Variants in AKAP6 observed in about 807,000 individuals in gnomAD.
AKAP6 encodes the protein A-kinase anchoring protein 6.
A neutral mutation model predicts 188.5 loss-of-function variants in AKAP6; 58 were observed. The observed-to-expected ratio is 0.31, with a 90% CI of 0.25 to 0.38. The LOEUF (loss-of-function observed/expected upper bound fraction) is 0.38. Ranked by LOEUF, AKAP6 falls within the 10% of genes least tolerant of loss-of-function variation. AKAP6 has a pLI of 1.00. For missense variants in AKAP6, 2,710 were observed against 2,740.0 expected (o/e 0.99, Z 0.24); for synonymous variants, 989 against 998.6 (o/e 0.99, Z 0.18).
chr14:32,580,543 A>T (rs1050328406), intron 5 of AKAP6, among the ~76,000 whole-genome samples: 6 of 151,408 alleles, frequency 4.0e-5, no homozygotes, highest in Non-Finnish European at 4.4e-5. Context: ...CTTTAGTCAC[A>T]CTCTTCATTT....
chr14:32,360,882 C>T (rs1594539798), intron 1 of AKAP6, among the ~76,000 whole-genome samples: 1 of 151,400 alleles, frequency 6.6e-6, no homozygotes, highest in East Asian at 2.0e-4. Context: ...TAGCTGGGAC[C>T]ATAAGCACGT....
intron 2 of AKAP6, among the ~76,000 whole-genome samples, chr14:32,477,268 A>G (rs1184121610): frequency 1.3e-5 from 2 of 152,126 alleles, no homozygotes; most frequent in Non-Finnish European, 2.9e-5. Context: ...TTCCTTGGCT[A>G]TTGTTTTAAG....
chr14:32,528,009 C>T (rs1481006409), intron 2 of AKAP6, among the ~76,000 whole-genome samples: 1 of 152,104 alleles, frequency 6.6e-6, no homozygotes, highest in African/African-American at 2.4e-5. Context: ...TATCTATTAA[C>T]AAAAAGTCAT....
chr14:32,795,608 T>G (rs1468761779), intron 12 of AKAP6, among the ~76,000 whole-genome samples: 2 of 152,204 alleles, frequency 1.3e-5, no homozygotes, highest in South Asian at 2.1e-4. Context: ...TGTTAAAAAC[T>G]GTCAATAAAC....
chr14:32,736,038 G>T (rs1256362446), intron 11 of AKAP6, among the ~76,000 whole-genome samples, 156 bp downstream of exon 11: 1 of 152,028 alleles, frequency 6.6e-6, no homozygotes, highest in Non-Finnish European at 1.5e-5. Flanking sequence ...TTTCTTATAT[G>T]TCTCTATGTG....
intron 12 of AKAP6, among the ~76,000 whole-genome samples, chr14:32,818,777 C>T (rs1308125779): frequency 6.6e-6 from 1 of 152,144 alleles, no homozygotes; most frequent in Non-Finnish European, 1.5e-5. Flanking sequence ...CCCAGCCCAT[C>T]CAGATGGCAC....
In AKAP6 at chr14:32,545,810, A is replaced by T. The variant is rs916520227; in HGVS notation, c.1157A>T (p.Gln386Leu). The change falls in exon 4 of 14, where the codon CAG becomes CTG. Residue 386 changes from glutamine to leucine, a missense_variant. Physicochemically the swap from Gln to Leu is moderately radical, Grantham distance 113. This residue lies in a region of AKAP6 where 2,473 missense variants were observed against 2,426.1 expected (regional missense o/e 1.02). Transcript: ENST00000280979. ...CFNYNEDSPT[Q>L]PTLPKRGLFL... ...AATTATAACGAGGACTCTCCCACGCAGCCTACATTGCCAAAAAGAGGACTT... is the reference window on the plus strand; with the variant it reads ...AATTATAACGAGGACTCTCCCACGCTGCCTACATTGCCAAAAAGAGGACTT... 3.1e-6 allele frequency: 5 copies of T among 1,614,224 alleles called. No individual in the cohort carries two copies. The South Asian group carries it at 3.3e-5, about 11-fold the overall frequency.
At chr14:32,638,461 GA>G (rs1454247001) in intron 7 of AKAP6, among the ~76,000 whole-genome samples, 2 of 152,050 alleles carry the variant, frequency 1.3e-5, no homozygotes, top group African/African-American at 4.8e-5. Flanking sequence ...ATTTCAGCCA[GA>G]TATTTGAGGG....
chr14:32,707,777 A>C (rs1890873053), intron 9 of AKAP6, among the ~76,000 whole-genome samples: 1 of 152,112 alleles, frequency 6.6e-6, no homozygotes, highest in African/African-American at 2.4e-5. Context: ...ATGCTGTGAT[A>C]ATTGAATGTA....
chr14:32,798,081 A>G (rs1254120174), intron 12 of AKAP6, among the ~76,000 whole-genome samples: 1 of 152,202 alleles, frequency 6.6e-6, no homozygotes, highest in East Asian at 1.9e-4. Context: ...AAAATGAGCA[A>G]AGGACATGAA....
At chr14:32,352,100 TGTTTGTGTG>T (rs879462010) in intron 1 of AKAP6, among the ~76,000 whole-genome samples, 2,639 of 116,644 alleles carry the variant, frequency 0.023, 64 homozygotes, top group African/African-American at 0.067. Flanking sequence ...TGTGTGTGTG[TGTTTGTGTG>T]TGTGTGTGTG....
intron 2 of AKAP6, among the ~76,000 whole-genome samples, chr14:32,444,101 G>C (rs998917301): frequency 5.9e-5 from 9 of 152,150 alleles, no homozygotes; most frequent in African/African-American, 2.2e-4. Context: ...GATTAAGGTA[G>C]TCATAAAGAC....
intron 1 of AKAP6, among the ~76,000 whole-genome samples, chr14:32,415,281 TACTC>T (rs1381390539): frequency 1.3e-5 from 2 of 152,210 alleles, no homozygotes; most frequent in African/African-American, 4.8e-5. Flanking sequence ...ACTGAGCAGA[TACTC>T]AATCAGTATT....
intron 5 of AKAP6, among the ~76,000 whole-genome samples, chr14:32,582,250 A>G (rs1351808310): frequency 1.3e-5 from 2 of 152,042 alleles, no homozygotes; most frequent in African/African-American, 2.4e-5. Context: ...TCCTTCACTT[A>G]TGAAGCTTAG....
intron 12 of AKAP6, among the ~76,000 whole-genome samples, chr14:32,811,805 G>A (rs1226438953): frequency 6.6e-6 from 1 of 152,074 alleles, no homozygotes; most frequent in Non-Finnish European, 1.5e-5. Context: ...CCACATGTTG[G>A]CAAAGCTCTC....
At chr14:32,378,836 A>G (rs1363200454) in intron 1 of AKAP6, among the ~76,000 whole-genome samples, 1 of 152,160 alleles carries the variant, frequency 6.6e-6, no homozygotes, top group Admixed American at 6.5e-5. Context: ...GGATAACTGA[A>G]ACTAATACTT....
At chr14:32,543,221 A>G (rs1883042890) in intron 3 of AKAP6, among the ~76,000 whole-genome samples, 1 of 152,200 alleles carries the variant, frequency 6.6e-6, no homozygotes, top group Non-Finnish European at 1.5e-5. Flanking sequence ...CCCAACCTCT[A>G]GTAACTACTA....
intron 1 of AKAP6, among the ~76,000 whole-genome samples, chr14:32,402,711 A>G (rs980636664): frequency 6.6e-6 from 1 of 151,228 alleles, no homozygotes; most frequent in African/African-American, 2.4e-5. Flanking sequence ...TGCTCAATAA[A>G]TGTTGGTTGG....
intron 1 of AKAP6, among the ~76,000 whole-genome samples, chr14:32,406,283 C>T (rs997816879): frequency 2.6e-5 from 4 of 152,184 alleles, no homozygotes; most frequent in South Asian, 2.1e-4. Context: ...GATCTTGGCT[C>T]ACTGTAACCT....
Sources: allele counts gnomAD v4.1 joint callset (sites outside exome capture counted in the v4.1 genomes callset), GRCh38; gene constraint gnomAD v4.1.1; regional missense constraint gnomAD v4.1.1; transcripts MANE v1.5; gene names NCBI Gene and HGNC (gene_info 2026-07-23, HGNC 2026-07-21).